The following KCNT2 variants were observed in gnomAD, a reference collection of about 807,000 sequenced individuals.
The protein encoded by KCNT2 is potassium sodium-activated channel subfamily T member 2, also known as potassium channel subfamily T member 2.
In KCNT2, 67 loss-of-function variants were observed where a neutral mutation model predicts 153.8. The ratio of observed to expected loss-of-function variants is 0.44; its 90% CI spans 0.36 to 0.53. The LOEUF (loss-of-function observed/expected upper bound fraction) is 0.53, where lower values mean the gene tolerates loss of function less well. Ranked by LOEUF, KCNT2 falls within the 20% of genes least tolerant of loss-of-function variation. The probability of loss-of-function intolerance (pLI) is 0.00; values close to 1 mark genes in which losing one functional copy is unlikely to be tolerated. For missense variants in KCNT2, 975 were observed against 1,354.8 expected, an observed-to-expected ratio of 0.72 and a Z score of 4.40; for synonymous variants, 500 against 458.8, an observed-to-expected ratio of 1.09 and a Z score of -1.15.
chr1:196,417,211 C>T (rs1672828027), intron 12 of KCNT2, among the ~76,000 whole-genome samples: 2 of 152,062 alleles, frequency 1.3e-5, no homozygotes, highest in Admixed American at 6.6e-5. Context: ...ATAAAAAACA[C>T]AGGCAGTTCA....
At chr1:196,255,711 AT>A (rs1656424917) in intron 26 of KCNT2, among the ~76,000 whole-genome samples, 1 of 151,896 alleles carries the variant, frequency 6.6e-6, no homozygotes, top group Non-Finnish European at 1.5e-5. Context: ...ATCCAAACAC[AT>A]TTTAGTGCCA....
chr1:196,413,415 T>C (rs946271526), intron 12 of KCNT2, among the ~76,000 whole-genome samples: 4 of 151,706 alleles, frequency 2.6e-5, no homozygotes, highest in African/African-American at 7.2e-5. Flanking sequence ...TTTTTTTCCA[T>C]TTTTTATTAA....
intron 8 of KCNT2, among the ~76,000 whole-genome samples, chr1:196,462,561 G>T (rs1337006666): frequency 6.6e-6 from 1 of 150,962 alleles, no homozygotes; most frequent in African/African-American, 2.4e-5. Flanking sequence ...ACTCACATGA[G>T]AATTTAATCA....
At chr1:196,595,479 G>A (rs1056514079) in intron 1 of KCNT2, among the ~76,000 whole-genome samples, 11 of 151,838 alleles carry the variant, frequency 7.2e-5, no homozygotes, top group Non-Finnish European at 1.3e-4. Context: ...ATCTAGAGGG[G>A]GCTGGTTCCA....
At chr1:196,515,046 T>C (rs1454510505) in intron 1 of KCNT2, among the ~76,000 whole-genome samples, 1 of 152,206 alleles carries the variant, frequency 6.6e-6, no homozygotes, top group African/African-American at 2.4e-5. Flanking sequence ...AGGAAAATTG[T>C]AAAATATGTT....
At chr1:196,545,556 C>T (rs905078952) in intron 1 of KCNT2, among the ~76,000 whole-genome samples, 5 of 151,698 alleles carry the variant, frequency 3.3e-5, no homozygotes, top group African/African-American at 4.8e-5. Context: ...GATTTTTTGC[C>T]GTATAATTTA....
At chr1:196,416,991 A>AT (rs1000129795) in intron 12 of KCNT2, among the ~76,000 whole-genome samples, 9 of 152,040 alleles carry the variant, frequency 5.9e-5, no homozygotes, top group Admixed American at 5.3e-4. Flanking sequence ...AATTGCTTTG[A>AT]TTTTTAGACC....
Position 196,575,656 on chromosome 1 carries a change from T to C in KCNT2, c.95+32559A>G, listed in dbSNP as rs182161041. ...TTGATATATTTATATATACATAAAA[T>C]CTAAGAATCATTAGCTCGAACTGTC... is the stretch of plus-strand genomic sequence containing the variant. On this transcript the variant is annotated intron_variant, in intron 1 of 27. Transcript: ENST00000294725. Among the ~76,000 whole-genome samples, 375 of 150,696 alleles carry C rather than the reference T, an allele frequency of 2.5e-3. 1 individual carries two copies. The highest frequency in any genetic ancestry group is 8.6e-3 in the African/African-American group (357 of 41,324).
chr1:196,329,780 T>G (rs1460555425), intron 18 of KCNT2, among the ~76,000 whole-genome samples: 1 of 147,930 alleles, frequency 6.8e-6, no homozygotes, highest in African/African-American at 2.5e-5. Flanking sequence ...TATATACACA[T>G]ATATATGTGT....
chr1:196,282,251 A>C, intron 24 of KCNT2, 22 bp downstream of exon 24: 1 of 1,341,106 alleles, frequency 7.5e-7, no homozygotes, highest in Non-Finnish European at 1.1e-6. Flanking sequence ...ACTATCTTTT[A>C]TTCTAGAGAT....
intron 8 of KCNT2, among the ~76,000 whole-genome samples, chr1:196,443,810 T>C (rs1311778127): frequency 6.6e-6 from 1 of 151,600 alleles, no homozygotes; most frequent in Non-Finnish European, 1.5e-5. Context: ...GGCACAGAAC[T>C]ATTGACACTT....
chr1:196,561,671 A>AAAAAAAAAAAAAAAAAAAAAG (rs1266188868), intron 1 of KCNT2, among the ~76,000 whole-genome samples: 1 of 30,400 alleles, frequency 3.3e-5, no homozygotes, highest in South Asian at 2.0e-3. Flanking sequence ...AAAAAAAAAA[A>AAAAAAAAAAAAAAAAAAAAAG]AAAAAAGAAG....
In KCNT2 at chr1:196,373,176, G is replaced by A. The variant is rs1428363561; in HGVS notation, c.1367C>T (p.Thr456Ile). The A allele has an allele frequency of 6.3e-7, 1 of 1,581,672 alleles. No individual in the cohort carries two copies. Among genetic ancestry groups the A allele is most frequent in the Non-Finnish European group, 8.7e-7 (1 of 1,151,446 alleles). Reference protein sequence around the residue: ...ALNCICPATSTLITLLVHTSR... With the variant: ...ALNCICPATSILITLLVHTSR... Reference sequence around the variant, plus strand: ...GGTATGAACCAGTAGTGTAATAAGTGTAGATGTTGCTGGGCATATACAGTT... The same window carrying A: ...GGTATGAACCAGTAGTGTAATAAGTATAGATGTTGCTGGGCATATACAGTT... Residue 456 changes from threonine to isoleucine, a missense_variant, in exon 14 of 28, where the codon ACA (threonine) becomes ATA (isoleucine). Physicochemically the swap from Thr to Ile is moderately conservative, Grantham distance 89. Coordinates refer to ENST00000294725, the MANE Select transcript of KCNT2 (RefSeq NM_198503.5).
In KCNT2 at chr1:196,290,365, T is replaced by C. The variant is rs138987627; in HGVS notation, c.2596-4607A>G. On this transcript the variant is annotated intron_variant, in intron 22 of 27. Coordinates refer to ENST00000294725, the MANE Select transcript of KCNT2 (RefSeq NM_198503.5). ...CCTTGCTCATTTTCTCTGATTTGTC[T>C]TCTTTCTAGACTCTCCTTTATGAAC... 1.6e-3 allele frequency among the ~76,000 whole-genome samples: 242 copies of C among 152,164 alleles called. 1 individual carries two copies. The highest frequency in any genetic ancestry group is 5.7e-3 in the African/African-American group (235 of 41,554).
intron 1 of KCNT2, among the ~76,000 whole-genome samples, chr1:196,515,270 C>T (rs887607110): frequency 2.2e-4 from 33 of 152,160 alleles, no homozygotes; most frequent in African/African-American, 8.0e-4. Context: ...AGAAGACTGC[C>T]ACCTTGCATT....
chr1:196,348,197 C>T (rs1358196984), intron 14 of KCNT2, among the ~76,000 whole-genome samples: 1 of 143,054 alleles, frequency 7.0e-6, no homozygotes. Context: ...ATAAATGTGT[C>T]ATTAGAATTA....
At chr1:196,235,380 C>T (rs1261335284) in intron 27 of KCNT2, among the ~76,000 whole-genome samples, 1 of 151,342 alleles carries the variant, frequency 6.6e-6, no homozygotes, top group Non-Finnish European at 1.5e-5. Context: ...AAAGCACTGT[C>T]TATGTCACTC....
intron 14 of KCNT2, among the ~76,000 whole-genome samples, chr1:196,344,313 T>C (rs1394349206): frequency 6.6e-6 from 1 of 152,150 alleles, no homozygotes; most frequent in Admixed American, 6.6e-5. Flanking sequence ...CTAGTCGACT[T>C]ACTAAACAAT....
chr1:196,372,413 G>A (rs908943201), intron 14 of KCNT2, among the ~76,000 whole-genome samples: 7 of 151,758 alleles, frequency 4.6e-5, no homozygotes, highest in Admixed American at 6.6e-5. Context: ...TCAACATTTT[G>A]TCTGAAATAT....
Sources: gnomAD v4.1 joint callset for allele counts (sites outside exome capture counted in the v4.1 genomes callset) on GRCh38, gnomAD v4.1.1 for gene constraint, MANE v1.5 for transcripts, NCBI Gene and HGNC (gene_info 2026-07-23, HGNC 2026-07-21) for gene names.